Variants in HACE1 observed in about 807,000 individuals in gnomAD.
The protein encoded by HACE1 is HECT domain and ankyrin repeat containing E3 ubiquitin protein ligase 1, also known as E3 ubiquitin-protein ligase HACE1.
In HACE1, 73 loss-of-function variants were observed where a neutral mutation model predicts 118.4. The observed-to-expected ratio is 0.62, with a 90% confidence interval of 0.51 to 0.75. The LOEUF (loss-of-function observed/expected upper bound fraction) is 0.75. Ranked by LOEUF, HACE1 falls within the 30% of genes least tolerant of loss-of-function variation. The pLI is 0.00. For synonymous variants in HACE1, 368 were observed against 374.8 expected (o/e 0.98, Z 0.21); for missense variants, 749 against 1,102.2 (o/e 0.68, Z 4.54).
chr6:104,771,956 G>A lies in HACE1; in HGVS notation c.1983C>T (p.Tyr661=). 6.2e-7 allele frequency: 1 copy of A among 1,607,498 alleles called. No homozygotes were observed. The highest frequency in any genetic ancestry group is 8.5e-7 in the Non-Finnish European group (1 of 1,174,176). The part of the protein sequence containing the change: ...ALNHRQLVNI[Y]FTRSFYKHIL... Reference sequence around the variant, plus strand: ...TGTGCTTGTAGAAGGATCGTGTGAAGTAAATATTGACCAGCTGCCTGTGGT... The same window carrying A: ...TGTGCTTGTAGAAGGATCGTGTGAAATAAATATTGACCAGCTGCCTGTGGT... Residue 661 remains tyrosine, a synonymous_variant, in exon 18 of 24, where the codon TAC becomes TAT. Transcript: ENST00000262903.
intron 7 of HACE1, among the ~76,000 whole-genome samples, chr6:104,799,977 C>A (rs1424718389): frequency 6.6e-6 from 1 of 152,132 alleles, no homozygotes; most frequent in Non-Finnish European, 1.5e-5. Flanking sequence ...CCGTGACAGA[C>A]TACCTGGAAA....
chr6:104,856,686 C>T (rs986276836), intron 1 of HACE1, among the ~76,000 whole-genome samples: 2 of 152,146 alleles, frequency 1.3e-5, no homozygotes, highest in African/African-American at 2.4e-5. Flanking sequence ...CCACCCACGT[C>T]GGCCTCCCAA....
chr6:104,756,985 C>T (rs571758058), intron 19 of HACE1, among the ~76,000 whole-genome samples: 4 of 152,204 alleles, frequency 2.6e-5, no homozygotes, highest in African/African-American at 7.2e-5. Context: ...TGGACCTTGG[C>T]GGGGAGAGGG....
At chr6:104,840,345 T>A (rs1329369674) in intron 5 of HACE1, among the ~76,000 whole-genome samples, 2 of 152,146 alleles carry the variant, frequency 1.3e-5, no homozygotes, top group Non-Finnish European at 2.9e-5. Flanking sequence ...TAACTAAAAT[T>A]ACAATAATTG....
chr6:104,786,307 C>A lies in HACE1; in HGVS notation c.1075-988G>T, dbSNP rs1782385270. ...AGTGAGCTAAGATCACACCACTGCA[C>A]TCCAGCCTGGGTGACAGGGCGAGAC... On this transcript the variant is annotated intron_variant, in intron 11 of 23. Transcript: ENST00000262903. The A allele has an allele frequency of 1.4e-5, 2 of 146,580 alleles. 1 individual carries two copies. Among genetic ancestry groups the A allele is most frequent in the Non-Finnish European group, 3.0e-5 (2 of 67,452 alleles). The allele number at this position is 146,580 out of a possible 1,614,324, so 9.1% of individuals were successfully genotyped here.
intron 5 of HACE1, among the ~76,000 whole-genome samples, chr6:104,838,377 AG>A (rs769113091): frequency 6.2e-4 from 95 of 152,308 alleles, no homozygotes; most frequent in Admixed American, 2.2e-3. Context: ...CCAATGGGAC[AG>A]AACAGAGAAC....
At chr6:104,828,741 T>A (rs1445051794) in intron 6 of HACE1, among the ~76,000 whole-genome samples, 1 of 152,080 alleles carries the variant, frequency 6.6e-6, no homozygotes, top group Non-Finnish European at 1.5e-5. Context: ...CAGCTGCATC[T>A]ATATGAAATC....
intron 19 of HACE1, among the ~76,000 whole-genome samples, chr6:104,764,801 G>A (rs746190172): frequency 1.4e-4 from 21 of 152,036 alleles, no homozygotes; most frequent in African/African-American, 4.8e-4. Flanking sequence ...CATATGTAAG[G>A]CAGTCAAACA....
At chr6:104,777,383 A>T (rs1781327425) in intron 14 of HACE1, 66 bp from the exon 15 acceptor site, 2 of 951,434 alleles carry the variant, frequency 2.1e-6, no homozygotes, top group Non-Finnish European at 3.5e-6. Context: ...CAGATTTACT[A>T]GCTTGCTAAA....
chr6:104,792,538 T>C (rs1783134176), intron 10 of HACE1, among the ~76,000 whole-genome samples: 1 of 152,228 alleles, frequency 6.6e-6, no homozygotes. Flanking sequence ...ATCAGTTATC[T>C]TGTATCACAA....
At chr6:104,783,246 T>G (rs1427675846) in intron 14 of HACE1, among the ~76,000 whole-genome samples, 3 of 152,162 alleles carry the variant, frequency 2.0e-5, no homozygotes, top group African/African-American at 7.2e-5. Context: ...TCCTCTGAAA[T>G]TTCCCCTGAC....
chr6:104,784,883 A>T, intron 12 of HACE1, 102 bp downstream of exon 12: 1 of 804,416 alleles, frequency 1.2e-6, no homozygotes, highest in Non-Finnish European at 2.1e-6. Flanking sequence ...AGAAAACTTT[A>T]AATCAACAAA....
At chr6:104,852,496 A>G (rs533115867) in intron 1 of HACE1, 125 bp from the exon 2 acceptor site, 34 of 654,252 alleles carry the variant, frequency 5.2e-5, no homozygotes, top group Non-Finnish European at 8.3e-5. Flanking sequence ...AGGAGGAAAG[A>G]ATAATGCAGA....
At chr6:104,760,817 T>A (rs1444621194) in intron 19 of HACE1, among the ~76,000 whole-genome samples, 3 of 152,096 alleles carry the variant, frequency 2.0e-5, no homozygotes, top group African/African-American at 7.2e-5. Context: ...CAGCGCAAAA[T>A]CTCCTTAAGC....
At chr6:104,794,990 C>A (rs1783459472) in intron 10 of HACE1, among the ~76,000 whole-genome samples, 1 of 151,950 alleles carries the variant, frequency 6.6e-6, no homozygotes, top group South Asian at 2.1e-4. Context: ...AGACAATAAT[C>A]ATTTCTCAGT....
Position 104,849,026 on chromosome 6 carries a change from T to C in HACE1, c.326+116A>G. On this transcript the variant is annotated intron_variant, in intron 4 of 23. Coordinates refer to ENST00000262903, the MANE Select transcript of HACE1 (RefSeq NM_020771.4). ...ATAGAAAATAAAATATGCACCATTA[T>C]TTTAGTTTTTCCCAAGGTAAATATC... 4 of 702,968 alleles carry C rather than the reference T, an allele frequency of 5.7e-6. No homozygotes were observed. The East Asian group carries it at 1.1e-4, about 19-fold the overall frequency. The allele number at this position is 702,968 out of a possible 1,614,324, so 43.5% of individuals were successfully genotyped here. A position where few individuals can be genotyped will look rare whatever the true frequency, so the allele number is the denominator to read the frequency against.
chr6:104,802,194 C>T (rs2114915084), intron 7 of HACE1, among the ~76,000 whole-genome samples: 1 of 152,238 alleles, frequency 6.6e-6, no homozygotes, highest in South Asian at 2.1e-4. Context: ...GCACTCAACA[C>T]AGGAGCACGC....
At chr6:104,831,614 C>A (rs1412222706) in intron 6 of HACE1, among the ~76,000 whole-genome samples, 2 of 147,728 alleles carry the variant, frequency 1.4e-5, no homozygotes, top group Admixed American at 6.8e-5. Flanking sequence ...AAGAAAGAGG[C>A]CGGGCACGGT....
intron 22 of HACE1, among the ~76,000 whole-genome samples, chr6:104,735,953 TA>T (rs1775780825): frequency 6.6e-6 from 1 of 151,924 alleles, no homozygotes; most frequent in South Asian, 2.1e-4. Flanking sequence ...AACATATTGC[TA>T]AATTCAAAAA....
Sources: allele counts gnomAD v4.1 joint callset (sites outside exome capture counted in the v4.1 genomes callset), GRCh38; gene constraint gnomAD v4.1.1; transcripts MANE v1.5; gene names NCBI Gene and HGNC (gene_info 2026-07-23, HGNC 2026-07-21).